Variants in MILR1 observed in about 807,000 individuals in gnomAD.
MILR1 encodes mast cell immunoglobulin like receptor 1.
MILR1 carries 31 observed loss-of-function variants against 18.5 expected under a neutral mutation model. That is an observed-to-expected ratio of 1.68 (90% CI 1.26 to 2.26). The LOEUF (loss-of-function observed/expected upper bound fraction) is 2.26, where lower values mean the gene tolerates loss of function less well. Ranked by LOEUF, MILR1 falls within the 30% of genes most tolerant of loss-of-function variation. The pLI is 0.00. For missense variants in MILR1, 257 were observed against 157.4 expected (o/e 1.63, Z -3.38); for synonymous variants, 85 against 56.2 (o/e 1.51, Z -2.30).
intron 5 of MILR1, among the ~76,000 whole-genome samples, chr17:64,463,042 CTT>C (rs142365733): frequency 0.014 from 2,201 of 152,098 alleles, 50 homozygotes; most frequent in African/African-American, 0.05. Context: ...TTTTAAAAAA[CTT>C]TATTAAACAC....
chr17:64,496,615 C>T, the MILR1 span: 1 of 1,614,014 alleles, frequency 6.2e-7, no homozygotes, highest in Admixed American at 1.7e-5. Flanking sequence ...TGAACACCAC[C>T]ACCGAGGTCC....
At chr17:64,488,440 C>A in the MILR1 span, among the ~76,000 whole-genome samples, 1 of 152,202 alleles carries the variant, frequency 6.6e-6, no homozygotes, top group East Asian at 1.9e-4. Context: ...TGGTAGTTCA[C>A]ACCTGTAATC....
chr17:64,492,596 G>C, the MILR1 span: 9 of 841,464 alleles, frequency 1.1e-5, no homozygotes, highest in Non-Finnish European at 1.8e-5. Context: ...TTGTATGTCA[G>C]AAGAATTACC....
At chr17:64,451,485 A>G (rs2037169366) in intron 2 of MILR1, among the ~76,000 whole-genome samples, 1 of 152,124 alleles carries the variant, frequency 6.6e-6, no homozygotes, top group South Asian at 2.1e-4. Context: ...GAAAAATGAT[A>G]TCTCAGTGTT....
the MILR1 span, among the ~76,000 whole-genome samples, chr17:64,493,819 T>A: frequency 6.6e-6 from 1 of 152,114 alleles, no homozygotes; most frequent in Non-Finnish European, 1.5e-5. Context: ...GTTGAAAAAA[T>A]AATAAACATC....
chr17:64,496,904 C>G, the MILR1 span: 45 of 1,612,838 alleles, frequency 2.8e-5, no homozygotes, highest in Non-Finnish European at 3.8e-5. Flanking sequence ...TACTCGACCC[C>G]CAAACCCAGA....
chr17:64,467,046 CTTCTTTCT>C (rs140431409), intron 8 of MILR1, among the ~76,000 whole-genome samples: 1 of 115,642 alleles, frequency 8.6e-6, no homozygotes, highest in African/African-American at 3.0e-5. Context: ...TTCTTTCTTT[CTTCTTTCT>C]TTCTTTTCTT....
chr17:64,497,077 T>C, the MILR1 span: 2 of 1,160,284 alleles, frequency 1.7e-6, no homozygotes, highest in Non-Finnish European at 2.5e-6. Flanking sequence ...GCAACGGAGG[T>C]GAGCGTGCTT....
At chr17:64,479,559 G>T in the MILR1 span, among the ~76,000 whole-genome samples, 1 of 151,934 alleles carries the variant, frequency 6.6e-6, no homozygotes, top group African/African-American at 2.4e-5. Context: ...TCACCCAAAA[G>T]ATACATATTC....
chr17:64,484,515 G>A, the MILR1 span, among the ~76,000 whole-genome samples: 2 of 152,132 alleles, frequency 1.3e-5, no homozygotes, highest in Non-Finnish European at 2.9e-5. Context: ...GAGCAAAGGA[G>A]CAACACAACA....
At chr17:64,457,342 G>A (rs1168484424) in intron 3 of MILR1, 58 bp from the exon 4 acceptor site, 1 of 449,650 alleles carries the variant, frequency 2.2e-6, no homozygotes, top group African/African-American at 2.0e-5. Context: ...CATATTTGTG[G>A]TCTGAGTGAG....
chr17:64,461,294 C>T (rs1030323676), intron 5 of MILR1, among the ~76,000 whole-genome samples: 11 of 152,114 alleles, frequency 7.2e-5, no homozygotes, highest in African/African-American at 2.4e-4. Flanking sequence ...GTTCCCCAGG[C>T]TGGAGTGCAG....
the MILR1 span, chr17:64,490,745 A>AT: frequency 7.0e-7 from 1 of 1,418,852 alleles, no homozygotes. Context: ...TTCGGAAATG[A>AT]TTATAGAGAA....
chr17:64,478,479 C>G, the MILR1 span, among the ~76,000 whole-genome samples: 1 of 152,296 alleles, frequency 6.6e-6, no homozygotes, highest in Non-Finnish European at 1.5e-5. Context: ...CACGGCTGAC[C>G]TTCTGTATGC....
chr17:64,491,750 C>T, the MILR1 span: 1 of 725,328 alleles, frequency 1.4e-6, no homozygotes, highest in Admixed American at 1.9e-5. Context: ...GCCTTTCCTA[C>T]AAGGAGCTCA....
At chr17:64,481,511 T>G in the MILR1 span, 1 of 557,726 alleles carries the variant, frequency 1.8e-6, no homozygotes, top group Non-Finnish European at 2.3e-6. Flanking sequence ...TAGAACAAAT[T>G]AGAAAAATCA....
At chr17:64,465,195 G>T (rs1273257719) in intron 5 of MILR1, among the ~76,000 whole-genome samples, 1 of 152,238 alleles carries the variant, frequency 6.6e-6, no homozygotes, top group East Asian at 1.9e-4. Context: ...AGTCTGGCTA[G>T]TTCAGGCATA....
the MILR1 span, among the ~76,000 whole-genome samples, chr17:64,486,379 C>CTTTTTTTTTTTTTTTTTTTTTTTTG: frequency 6.8e-6 from 1 of 146,782 alleles, no homozygotes; most frequent in South Asian, 2.2e-4. Flanking sequence ...TTTTTTAATA[C>CTTTTTTTTTTTTTTTTTTTTTTTTG]AGACAGAGTC....
At chr17:64,461,566 A>T (rs1216830920) in intron 5 of MILR1, among the ~76,000 whole-genome samples, 2 of 152,076 alleles carry the variant, frequency 1.3e-5, no homozygotes, top group Non-Finnish European at 2.9e-5. Flanking sequence ...GAAATTCTTC[A>T]TAATTTTTTG....
Sources: gnomAD v4.1 joint callset for allele counts (sites outside exome capture counted in the v4.1 genomes callset) on GRCh38, gnomAD v4.1.1 for gene constraint, MANE v1.5 for transcripts, NCBI Gene and HGNC (gene_info 2026-07-23, HGNC 2026-07-21) for gene names.